Variants in CREB3L2 observed in about 807,000 individuals in gnomAD.
CREB3L2 encodes the protein cyclic AMP-responsive element-binding protein 3-like protein 2.
Under a neutral mutation model 57.2 loss-of-function variants are expected in CREB3L2, and 23 were observed. The ratio of observed to expected loss-of-function variants is 0.40; its 90% confidence interval spans 0.29 to 0.57. The LOEUF is 0.57. Ranked by LOEUF, CREB3L2 falls within the 20% of genes least tolerant of loss-of-function variation. The pLI is 0.42. For missense variants in CREB3L2, 628 were observed against 634.7 expected (o/e 0.99, Z 0.11); for synonymous variants, 268 against 265.1 (o/e 1.01, Z -0.11).
intron 8 of CREB3L2, among the ~76,000 whole-genome samples, chr7:137,889,363 G>A (rs1237194869): frequency 2.0e-5 from 3 of 152,206 alleles, no homozygotes; most frequent in African/African-American, 7.2e-5. Context: ...AGAGCAGAGA[G>A]GGCTGGTGTT....
chr7:137,905,447 A>C, intron 6 of CREB3L2, among the ~76,000 whole-genome samples: 1 of 150,124 alleles, frequency 6.7e-6, no homozygotes. Context: ...CCCACCCGTA[A>C]ATGTATCATC....
chr7:137,967,402 G>C (rs1020062929), intron 1 of CREB3L2, among the ~76,000 whole-genome samples: 1 of 152,094 alleles, frequency 6.6e-6, no homozygotes, highest in East Asian at 1.9e-4. Context: ...TTGGGCCAAG[G>C]ACTCAGGAAG....
intron 10 of CREB3L2, chr7:137,884,688 C>T (rs963687466): frequency 1.7e-6 from 1 of 592,596 alleles, no homozygotes; most frequent in Admixed American, 3.0e-5. Flanking sequence ...GACTCTTTCC[C>T]TCATCTGCTT....
At chr7:137,954,160 C>G (rs950265999) in intron 1 of CREB3L2, among the ~76,000 whole-genome samples, 1 of 152,152 alleles carries the variant, frequency 6.6e-6, no homozygotes, top group African/African-American at 2.4e-5. Flanking sequence ...CCTGTCTACG[C>G]ATGAGGGATA....
intron 1 of CREB3L2, among the ~76,000 whole-genome samples, chr7:137,993,594 A>C (rs748798630): frequency 3.9e-5 from 6 of 152,166 alleles, no homozygotes; most frequent in African/African-American, 7.2e-5. Flanking sequence ...ATCACAGCTC[A>C]CTGTAAACTC....
intron 1 of CREB3L2, among the ~76,000 whole-genome samples, chr7:137,990,393 CA>C (rs1347090696): frequency 6.6e-6 from 1 of 152,220 alleles, no homozygotes; most frequent in Non-Finnish European, 1.5e-5. Context: ...AGAAATACTT[CA>C]AACACAGCTC....
Position 137,890,126 on chromosome 7 carries a change from A to G in CREB3L2, c.1044-4624T>C, listed in dbSNP as rs940773540. Among the ~76,000 whole-genome samples, 10 of 152,320 alleles carry G rather than the reference A, an allele frequency of 6.6e-5. No individual in the cohort carries two copies. The East Asian group carries it at 1.9e-3, about 29-fold the overall frequency. On this transcript the variant is annotated intron_variant, in intron 8 of 11. Transcript: ENST00000330387. Reference sequence around the variant, plus strand: ...ATTAAATATGAAAATATTACTATTAAAAGAGACTAAGCCATAGACGGAAGA... The same window carrying G: ...ATTAAATATGAAAATATTACTATTAGAAGAGACTAAGCCATAGACGGAAGA...
At chr7:137,931,159 T>C (rs1382355286) in intron 1 of CREB3L2, among the ~76,000 whole-genome samples, 1 of 147,114 alleles carries the variant, frequency 6.8e-6, no homozygotes, top group African/African-American at 2.5e-5. Flanking sequence ...TTGAGCCCAG[T>C]AGGTCAAGAC....
chr7:137,953,186 C>T (rs1446325501), intron 1 of CREB3L2, among the ~76,000 whole-genome samples: 3 of 152,182 alleles, frequency 2.0e-5, no homozygotes, highest in Non-Finnish European at 4.4e-5. Context: ...TTGACTTCAT[C>T]CTGATTTATT....
At chr7:137,936,338 C>A (rs569735648) in intron 1 of CREB3L2, among the ~76,000 whole-genome samples, 1 of 152,302 alleles carries the variant, frequency 6.6e-6, no homozygotes, top group South Asian at 2.1e-4. Context: ...CAGAAGAGTG[C>A]TGCACCAGAC....
At chr7:137,954,559 A>C (rs2117276280) in intron 1 of CREB3L2, among the ~76,000 whole-genome samples, 1 of 152,320 alleles carries the variant, frequency 6.6e-6, no homozygotes, top group South Asian at 2.1e-4. Context: ...AAGCTCTATA[A>C]AGGCAGCTTA....
chr7:137,912,952 T>C (rs750176619), intron 4 of CREB3L2, 39 bp downstream of exon 4: 5 of 1,610,902 alleles, frequency 3.1e-6, no homozygotes, highest in African/African-American at 2.7e-5. Context: ...CCAGAGACCA[T>C]ATCCATAACC....
At chr7:137,932,187 G>A (rs1015076347) in intron 1 of CREB3L2, among the ~76,000 whole-genome samples, 2 of 151,840 alleles carry the variant, frequency 1.3e-5, no homozygotes, top group South Asian at 4.1e-4. Context: ...GTTTATACAC[G>A]TAGCCCTGTT....
chr7:137,989,060 C>T lies in CREB3L2; in HGVS notation c.102+12544G>A, dbSNP rs28675865. On this transcript the variant is annotated intron_variant, in intron 1 of 11. Coordinates refer to ENST00000330387, the MANE Select transcript of CREB3L2 (RefSeq NM_194071.4). The stretch of plus-strand genomic sequence containing the variant: ...TAAAACTACACAAGCACCAATGAAC[C>T]AGTGATGGTCTCCAATGCCAATTTT... 7.0e-3 allele frequency among the ~76,000 whole-genome samples: 1,066 copies of T among 152,232 alleles called. 12 individuals are homozygous for T. Among genetic ancestry groups the T allele is most frequent in the African/African-American group, 0.024 (1,017 of 41,544 alleles).
rs1019614361 is a variant in CREB3L2 at position 137,915,701 on chromosome 7, TAC to T, written c.495+134_495+135del. On this transcript the variant is annotated intron_variant, in intron 3 of 11. Coordinates refer to ENST00000330387, the MANE Select transcript of CREB3L2 (RefSeq NM_194071.4). ...CTTATTAAATGTATACATATGTATA[TAC>T]ACACATATGAAGTTGCATGTCCTTA... 102 of 674,010 alleles carry T rather than the reference TAC, an allele frequency of 1.5e-4. No individual in the cohort carries two copies. In the African/African-American group the frequency reaches 1.8e-3, roughly 12 times the overall value. The allele number at this position is 674,010 out of a possible 1,614,324, so 41.8% of individuals were successfully genotyped here.
intron 1 of CREB3L2, chr7:137,953,323 T>A: frequency 2.4e-6 from 1 of 423,460 alleles, no homozygotes; most frequent in Non-Finnish European, 4.4e-6. Context: ...GTTGATTAAC[T>A]GCTACTCCAC....
At chr7:137,971,277 C>A (rs2117300075) in intron 1 of CREB3L2, among the ~76,000 whole-genome samples, 1 of 152,170 alleles carries the variant, frequency 6.6e-6, no homozygotes, top group South Asian at 2.1e-4. Context: ...GGTGAAACCC[C>A]ATCTCTACTA....
At chr7:137,923,755 T>C (rs772122048) in intron 2 of CREB3L2, among the ~76,000 whole-genome samples, 2 of 152,194 alleles carry the variant, frequency 1.3e-5, no homozygotes, top group African/African-American at 2.4e-5. Context: ...TTTCATCAAA[T>C]CATTTCAAAA....
intron 7 of CREB3L2, among the ~76,000 whole-genome samples, chr7:137,903,394 A>C (rs1415701290): frequency 6.6e-6 from 1 of 152,198 alleles, no homozygotes; most frequent in Non-Finnish European, 1.5e-5. Context: ...TCCAGGGCTA[A>C]GACAAAACTG....
Sources: gnomAD v4.1 joint callset for allele counts (sites outside exome capture counted in the v4.1 genomes callset) on GRCh38, gnomAD v4.1.1 for gene constraint, MANE v1.5 for transcripts, NCBI Gene and HGNC (gene_info 2026-07-23, HGNC 2026-07-21) for gene names.